The following HDAC5 variants were observed in gnomAD, a reference collection of about 807,000 sequenced individuals.
The protein encoded by HDAC5 is antigen NY-CO-9.
A neutral mutation model predicts 133.3 loss-of-function variants in HDAC5; 25 were observed. The ratio of observed to expected loss-of-function variants is 0.19; its 90% CI spans 0.14 to 0.26. The LOEUF (loss-of-function observed/expected upper bound fraction) is 0.26, where lower values mean the gene tolerates loss of function less well. HDAC5 is among the 10% of genes least tolerant of loss of function. The pLI is 1.00. For synonymous variants in HDAC5, 589 were observed against 610.8 expected (o/e 0.96, Z 0.53); for missense variants, 1,041 against 1,460.5 (o/e 0.71, Z 4.68).
rs548795103 is a variant in HDAC5, at chr17:44,077,198, C to T, written c.*1178G>A. On this transcript the variant is annotated 3_prime_UTR_variant, in exon 27 of 27. Transcript: ENST00000682912. ...CTTCCCATCTTTGGTTTCCTACAGGCTGGATGGCATCCCCTGGAAGCCTTG... is the reference window on the plus strand; with the variant it reads ...CTTCCCATCTTTGGTTTCCTACAGGTTGGATGGCATCCCCTGGAAGCCTTG... 6.5e-6 allele frequency: 1 copy of T among 152,826 alleles called. No homozygotes were observed. Among genetic ancestry groups the T allele is most frequent in the African/African-American group, 2.4e-5 (1 of 41,530 alleles). The allele number at this position is 152,826 out of a possible 1,614,324, so 9.5% of individuals were successfully genotyped here.
chr17:44,111,274 G>T, intron 2 of HDAC5: 1 of 302,972 alleles, frequency 3.3e-6, no homozygotes, highest in Non-Finnish European at 6.6e-6. Context: ...ATAGCAGTTG[G>T]GGGAGGGCCC....
intron 20 of HDAC5, chr17:44,082,236 C>A (rs2050428463): frequency 3.1e-6 from 1 of 320,038 alleles, no homozygotes; most frequent in Non-Finnish European, 5.9e-6. Flanking sequence ...GGTATACAGT[C>A]TGCTCCTAAT....
intron 2 of HDAC5, among the ~76,000 whole-genome samples, chr17:44,112,519 A>C: frequency 6.7e-6 from 1 of 149,318 alleles, no homozygotes; most frequent in African/African-American, 2.5e-5. Context: ...CCCCTCCTTG[A>C]CCCCCACTCC....
At chr17:44,084,909 C>G (rs185794483) in intron 15 of HDAC5, 113 bp downstream of exon 15, 1 of 1,423,446 alleles carries the variant, frequency 7.0e-7, no homozygotes, top group African/African-American at 1.4e-5. Context: ...GAACTGGCCC[C>G]GAAGTCTGGG....
Position 44,087,406 on chromosome 17 carries a change from G to GCT in HDAC5, c.1884+4_1884+5dup. ...ACCAAGGACTGGGACCAGGGACGGG[G>GCT]CTCACTTTTTTGTATCCAGCACCAG... On this transcript the variant is annotated splice_donor_region_variant and intron_variant, in intron 13 of 26. Transcript: ENST00000682912. The GCT allele has an allele frequency of 1.1e-6, 1 of 888,498 alleles. No homozygotes were observed. Among genetic ancestry groups the GCT allele is most frequent in the Non-Finnish European group, 1.9e-6 (1 of 522,748 alleles). 55.0% of individuals were successfully genotyped at this position (888,498 alleles called of 1,614,324 possible).
intron 14 of HDAC5, among the ~76,000 whole-genome samples, chr17:44,085,924 G>A (rs1285149431): frequency 2.0e-5 from 3 of 152,160 alleles, no homozygotes; most frequent in Admixed American, 2.0e-4. Flanking sequence ...TTACAGGTGT[G>A]AGCCACTGCA....
intron 3 of HDAC5, among the ~76,000 whole-genome samples, chr17:44,094,079 T>G (rs1470472684): frequency 6.6e-6 from 1 of 152,038 alleles, no homozygotes; most frequent in Non-Finnish European, 1.5e-5. Flanking sequence ...TCAGGTTAGT[T>G]TGGGAGGCTG....
intron 11 of HDAC5, among the ~76,000 whole-genome samples, chr17:44,090,705 T>C (rs1354081231): frequency 6.6e-6 from 1 of 151,972 alleles, no homozygotes. Context: ...TTTATTTTTT[T>C]GAGACGGAGT....
intron 3 of HDAC5, among the ~76,000 whole-genome samples, chr17:44,096,688 C>G (rs2143355136): frequency 6.6e-6 from 1 of 152,082 alleles, no homozygotes; most frequent in African/African-American, 2.4e-5. Flanking sequence ...GTTGGCCAGG[C>G]TGGTCTCAAA....
At chr17:44,079,871 A>G (rs961459961) in intron 23 of HDAC5, among the ~76,000 whole-genome samples, 19 of 152,228 alleles carry the variant, frequency 1.2e-4, no homozygotes, top group African/African-American at 4.3e-4. Context: ...GCCCATCTCT[A>G]CAGCTCCGGC....
At chr17:44,093,261 G>A (rs1363308047) in intron 5 of HDAC5, 53 bp downstream of exon 5, 1 of 1,584,118 alleles carries the variant, frequency 6.3e-7, no homozygotes. Flanking sequence ...CCCCATGGCA[G>A]GGGCAGGCAT....
rs2050173737 is a variant in HDAC5 at position 44,077,514 on chromosome 17, G to A, written c.*862C>T. 1 of 152,286 alleles carries A rather than the reference G, an allele frequency of 6.6e-6. No individual in the cohort carries two copies. The highest frequency in any genetic ancestry group is 1.5e-5 in the Non-Finnish European group (1 of 68,100). 9.4% of individuals were successfully genotyped at this position (152,286 alleles called of 1,614,324 possible). ...GGGAAAATCTGGTCCTGACAGCAGG[G>A]GGGCTCTCACCAGCCTGGAGCCCCT... On this transcript the variant is annotated 3_prime_UTR_variant, in exon 27 of 27. Coordinates refer to ENST00000682912, the MANE Select transcript of HDAC5 (RefSeq NM_005474.5).
At chr17:44,093,250 C>G in intron 5 of HDAC5, 44 bp from the exon 6 acceptor site, 1 of 1,586,704 alleles carries the variant, frequency 6.3e-7, no homozygotes. Flanking sequence ...GGGGCCAGAC[C>G]CCCCATGGCA....
intron 20 of HDAC5, 39 bp from the exon 21 acceptor site, chr17:44,080,921 G>A (rs774364184): frequency 1.4e-5 from 23 of 1,613,552 alleles, no homozygotes; most frequent in East Asian, 4.5e-5. Context: ...AATGGCCCGC[G>A]CTCTGACCCA....
chr17:44,086,764 G>C, intron 13 of HDAC5, 27 bp from the exon 14 acceptor site: 1 of 1,282,990 alleles, frequency 7.8e-7, no homozygotes, highest in East Asian at 2.9e-5. Context: ...GAGGGGGCCT[G>C]GGTCAGACTC....
chr17:44,121,963 T>C (rs1283741987), intron 1 of HDAC5, among the ~76,000 whole-genome samples: 1 of 152,070 alleles, frequency 6.6e-6, no homozygotes, highest in Admixed American at 6.6e-5. Flanking sequence ...GAGAGACCCC[T>C]ACTGCTTTGT....
In HDAC5 at chr17:44,080,110, T is replaced by G; in HGVS notation, c.2941A>C (p.Arg981=). 6.2e-7 allele frequency: 1 copy of G among 1,607,370 alleles called. No individual in the cohort carries two copies. Among genetic ancestry groups the G allele is most frequent in the Non-Finnish European group, 8.5e-7 (1 of 1,174,124 alleles). The change falls in exon 23 of 27, where the codon AGA becomes CGA. Residue 981 remains arginine, a synonymous_variant. Coordinates refer to ENST00000682912, the MANE Select transcript of HDAC5 (RefSeq NM_005474.5). The part of the protein sequence containing the change: ...SPLGGYSVTA[R]CFGHLTRQLM... ...CTCAATCCCCCAGCAGGCTTACATC[T>G]GGCGGTGACAGAGTAGCCACCCAGA...
At chr17:44,112,751 T>C (rs2052421336) in intron 2 of HDAC5, among the ~76,000 whole-genome samples, 1 of 152,160 alleles carries the variant, frequency 6.6e-6, no homozygotes, top group Non-Finnish European at 1.5e-5. Flanking sequence ...AGAGGCAGGC[T>C]TTCCCAGGCC....
At chr17:44,086,405 G>A (rs1265116401) in intron 14 of HDAC5, among the ~76,000 whole-genome samples, 167 bp downstream of exon 14, 3 of 152,238 alleles carry the variant, frequency 2.0e-5, no homozygotes, top group East Asian at 1.9e-4. Context: ...AGGCCCTGCC[G>A]CTACCATGAA....
Sources: allele counts gnomAD v4.1 joint callset (sites outside exome capture counted in the v4.1 genomes callset), GRCh38; gene constraint gnomAD v4.1.1; transcripts MANE v1.5; gene names NCBI Gene and HGNC (gene_info 2026-07-23, HGNC 2026-07-21).